Variants in ECPAS observed in about 807,000 individuals in gnomAD.
The protein encoded by ECPAS is Ecm29 proteasome adaptor and scaffold, also known as proteasome adapter and scaffold protein ECM29.
Under a neutral mutation model 255.1 loss-of-function variants are expected in ECPAS, and 70 were observed. That is an observed-to-expected ratio of 0.27 (90% CI 0.23 to 0.33). ECPAS has a LOEUF of 0.33. ECPAS is among the 10% of genes least tolerant of loss of function. The pLI is 1.00. For missense variants in ECPAS, 1,817 were observed against 2,206.4 expected, an observed-to-expected ratio of 0.82 and a Z score of 3.54; for synonymous variants, 784 against 775.0, an observed-to-expected ratio of 1.01 and a Z score of -0.19.
intron 2 of ECPAS, among the ~76,000 whole-genome samples, chr9:111,472,670 T>C (rs1449700010): frequency 6.6e-6 from 1 of 151,904 alleles, no homozygotes; most frequent in Non-Finnish European, 1.5e-5. Flanking sequence ...TCAAGTTTTA[T>C]CTTTTTCTTC....
At chr9:111,480,889 T>C (rs1467514843) in intron 1 of ECPAS, among the ~76,000 whole-genome samples, 2 of 152,216 alleles carry the variant, frequency 1.3e-5, no homozygotes, top group African/African-American at 2.4e-5. Context: ...CCCTTAACTA[T>C]CAGCATCTTA....
At chr9:111,407,686 C>G (rs1482777164) in intron 24 of ECPAS, among the ~76,000 whole-genome samples, 1 of 152,096 alleles carries the variant, frequency 6.6e-6, no homozygotes, top group African/African-American at 2.4e-5. Flanking sequence ...CAGCAGAAAC[C>G]TCTCCTCCAA....
intron 3 of ECPAS, 39 bp from the exon 4 acceptor site, chr9:111,444,533 T>C (rs1260178718): frequency 2.2e-6 from 3 of 1,338,834 alleles, no homozygotes; most frequent in Non-Finnish European, 3.2e-6. Flanking sequence ...TTATTGATCA[T>C]ATCTTAAAAA....
intron 2 of ECPAS, among the ~76,000 whole-genome samples, chr9:111,461,568 A>C (rs1359337738): frequency 1.3e-5 from 2 of 152,226 alleles, no homozygotes; most frequent in East Asian, 3.8e-4. Context: ...TGTAAAAGAC[A>C]AACAGGTATA....
At chr9:111,432,713 T>G (rs918975620) in intron 8 of ECPAS, among the ~76,000 whole-genome samples, 1 of 152,366 alleles carries the variant, frequency 6.6e-6, no homozygotes, top group Admixed American at 6.5e-5. Context: ...TATTTTTCAT[T>G]GACTTCATTC....
In ECPAS at chr9:111,425,723, TA is replaced by T. The variant is rs769119674; in HGVS notation, c.1136+19del. ...TCCAGCAGCTTGAAAACTTTATAGT[TA>T]AAATAGTTAAAGACTTACGTTATAC... On this transcript the variant is annotated intron_variant, in intron 11 of 49. Transcript: ENST00000684092. The T allele has an allele frequency of 4.3e-6, 6 of 1,404,734 alleles. No homozygotes were observed. The highest frequency in any genetic ancestry group is 6.0e-6 in the Non-Finnish European group (6 of 999,424). 87.0% of individuals were successfully genotyped at this position (1,404,734 alleles called of 1,614,324 possible).
At position 111,383,125 on chromosome 9, in the gene ECPAS, T is replaced by C; in HGVS notation, c.3803+86A>G. On this transcript the variant is annotated intron_variant, in intron 35 of 49. Coordinates refer to ENST00000684092, the MANE Select transcript of ECPAS (RefSeq NM_001364929.1). The stretch of plus-strand genomic sequence containing the variant: ...TCATTCTCCTAAACCTCTTTCTCCA[T>C]ATTTTCCAGAATCTAACCTTGAAAG... 3 of 1,515,022 alleles carry C rather than the reference T, an allele frequency of 2.0e-6. No homozygotes were observed. The Admixed American group carries it at 5.5e-5, about 28-fold the overall frequency. 93.8% of individuals were successfully genotyped at this position (1,515,022 alleles called of 1,614,324 possible).
chr9:111,448,680 T>C (rs1164004862), intron 3 of ECPAS, among the ~76,000 whole-genome samples: 1 of 152,248 alleles, frequency 6.6e-6, no homozygotes, highest in Non-Finnish European at 1.5e-5. Flanking sequence ...ATTCTTTTTA[T>C]CTTCTGAAAG....
Position 111,484,125 on chromosome 9 carries a change from A to G in ECPAS, c.-92T>C. On this transcript the variant is annotated 5_prime_UTR_variant, in exon 1 of 50. Transcript: ENST00000684092. ...GGGGCGGGCCTCTGACCTGAGTCGG[A>G]GCCGGTCTCCATGCCGCGGACGCTG... 1 of 1,453,740 alleles carries G rather than the reference A, an allele frequency of 6.9e-7. No homozygotes were observed. Among genetic ancestry groups the G allele is most frequent in the Admixed American group, 2.4e-5 (1 of 42,478 alleles). 90.1% of individuals were successfully genotyped at this position (1,453,740 alleles called of 1,614,324 possible). A position where few individuals can be genotyped will look rare whatever the true frequency, so the allele number is the denominator to read the frequency against.
At chr9:111,419,904 A>G (rs1360481829) in intron 16 of ECPAS, 113 bp downstream of exon 16, 1 of 730,610 alleles carries the variant, frequency 1.4e-6, no homozygotes, top group Non-Finnish European at 2.3e-6. Flanking sequence ...TACTTTCTTT[A>G]ATAAATAGCT....
chr9:111,409,991 G>A (rs1471324129), intron 23 of ECPAS, 50 bp downstream of exon 23: 1 of 1,356,500 alleles, frequency 7.4e-7, no homozygotes, highest in Non-Finnish European at 1.0e-6. Flanking sequence ...GCTCATGTAT[G>A]CATAGAAAGA....
intron 2 of ECPAS, among the ~76,000 whole-genome samples, chr9:111,456,521 T>C (rs1395530719): frequency 6.6e-6 from 1 of 152,204 alleles, no homozygotes; most frequent in African/African-American, 2.4e-5. Context: ...TTTGAAAGAA[T>C]ATCCAAACGT....
intron 24 of ECPAS, 51 bp downstream of exon 24, chr9:111,408,520 G>T: frequency 1.3e-5 from 13 of 985,232 alleles, no homozygotes; most frequent in South Asian, 4.5e-5. Flanking sequence ...AAAAAAAAAA[G>T]ACCAATGCCT....
At chr9:111,409,275 T>C (rs965208650) in intron 23 of ECPAS, among the ~76,000 whole-genome samples, 1 of 152,142 alleles carries the variant, frequency 6.6e-6, no homozygotes, top group Non-Finnish European at 1.5e-5. Flanking sequence ...TTATAGGAAT[T>C]AGGCCAGGCT....
rs757565253 is a variant in ECPAS at position 111,416,278 on chromosome 9, A to G, written c.1758T>C (p.Phe586=). ...TTVLPFNPAA[F]GEIVLYLRMC... ...AAATATATGAAAGTTCTACCTCTCC[A>G]AAGGCTGCTGGGTTAAATGGAAGGA... The change falls in exon 18 of 50, where the codon TTT becomes TTC. Residue 586 remains phenylalanine, a synonymous_variant. Transcript: ENST00000684092. 11 of 1,612,414 alleles carry G rather than the reference A, an allele frequency of 6.8e-6. No homozygotes were observed. Among genetic ancestry groups the G allele is most frequent in the Non-Finnish European group, 9.3e-6 (11 of 1,178,498 alleles).
chr9:111,402,613 A>T (rs971154112), intron 24 of ECPAS, among the ~76,000 whole-genome samples: 1 of 152,180 alleles, frequency 6.6e-6, no homozygotes, highest in Admixed American at 6.5e-5. Flanking sequence ...TGACCACAAC[A>T]ATTTGTTGAA....
At chr9:111,390,876 A>G (rs545611704) in intron 29 of ECPAS, among the ~76,000 whole-genome samples, 4 of 152,328 alleles carry the variant, frequency 2.6e-5, no homozygotes, top group African/African-American at 9.6e-5. Flanking sequence ...ACACCCACCC[A>G]AAACTAGCGG....
intron 26 of ECPAS, 137 bp downstream of exon 26, chr9:111,394,023 A>C: frequency 1.1e-6 from 1 of 883,558 alleles, no homozygotes; most frequent in Non-Finnish European, 1.7e-6. Flanking sequence ...ACATCAGGCC[A>C]CCATCCTTCA....
At chr9:111,472,220 T>C (rs532843854) in intron 2 of ECPAS, among the ~76,000 whole-genome samples, 128 of 149,358 alleles carry the variant, frequency 8.6e-4, no homozygotes, top group African/African-American at 3.1e-3. Flanking sequence ...TGTACTCCAG[T>C]CTGGGTGACA....
Sources: allele counts gnomAD v4.1 joint callset (sites outside exome capture counted in the v4.1 genomes callset), GRCh38; gene constraint gnomAD v4.1.1; transcripts MANE v1.5; gene names NCBI Gene and HGNC (gene_info 2026-07-23, HGNC 2026-07-21).